CAPN2: variants seen among roughly 807,000 people sequenced by gnomAD.
CAPN2 encodes calpain-2 catalytic subunit.
Under a neutral mutation model 102.3 loss-of-function variants are expected in CAPN2, and 92 were observed. The observed-to-expected ratio is 0.90, with a 90% confidence interval of 0.76 to 1.07. The LOEUF (loss-of-function observed/expected upper bound fraction) is 1.07, where lower values mean the gene tolerates loss of function less well. CAPN2 is among the 50% of genes least tolerant of loss of function. CAPN2 has a pLI of 0.00. For synonymous variants in CAPN2, 340 were observed against 355.4 expected (o/e 0.96, Z 0.49); for missense variants, 800 against 909.4 (o/e 0.88, Z 1.55).
intron 2 of CAPN2, among the ~76,000 whole-genome samples, chr1:223,733,706 A>G (rs1288031759): frequency 6.6e-6 from 1 of 152,150 alleles, no homozygotes; most frequent in Non-Finnish European, 1.5e-5. Flanking sequence ...CAAAAACACA[A>G]ATCAAACCTC....
In CAPN2 at chr1:223,725,606, C is replaced by T. The variant is rs1660171055; in HGVS notation, c.307+7775C>T. Among the ~76,000 whole-genome samples the T allele has an allele frequency of 6.6e-6, 1 of 152,146 alleles. No homozygotes were observed. Among genetic ancestry groups the T allele is most frequent in the African/African-American group, 2.4e-5 (1 of 41,424 alleles). On this transcript the variant is annotated intron_variant, in intron 2 of 20. Coordinates refer to ENST00000295006, the MANE Select transcript of CAPN2 (RefSeq NM_001748.5). The surrounding 1 kb of genome is among the most constrained non-coding windows in gnomAD (Gnocchi z 4.1). ...GCACATCTTGAATACCCGACTGGGT[C>T]CCAGCTTTAGCACTTGACATTGGCG...
intron 3 of CAPN2, among the ~76,000 whole-genome samples, chr1:223,745,041 CAAA>C (rs35193281): frequency 0.26 from 28,349 of 109,364 alleles, 3,982 homozygotes; most frequent in African/African-American, 0.43. Context: ...GACTTGGTCT[CAAA>C]AAAAAAAAAA....
chr1:223,737,594 A>G (rs980586192), intron 2 of CAPN2, among the ~76,000 whole-genome samples: 1 of 151,712 alleles, frequency 6.6e-6, no homozygotes, highest in African/African-American at 2.4e-5. Context: ...TGAGAAAGGC[A>G]GATGAGAGAT....
chr1:223,711,202 G>T (rs1659719298), upstream of CAPN2, among the ~76,000 whole-genome samples: 1 of 152,158 alleles, frequency 6.6e-6, no homozygotes, highest in Non-Finnish European at 1.5e-5. Context: ...GGACAAAACT[G>T]CCCCCAGTTG....
At chr1:223,757,623 C>A in intron 11 of CAPN2, 1 of 563,126 alleles carries the variant, frequency 1.8e-6, no homozygotes, top group South Asian at 2.4e-5. Context: ...TGGCAGAGCC[C>A]ATACAGGGTT....
At chr1:223,729,486 C>G (rs1284026857) in intron 2 of CAPN2, among the ~76,000 whole-genome samples, 2 of 152,108 alleles carry the variant, frequency 1.3e-5, no homozygotes, top group African/African-American at 4.8e-5. Flanking sequence ...TGTGACAAAG[C>G]CCAAGGAGGT....
chr1:223,772,410 TTGTTTTCCAACCACC>T (rs2102818314), intron 20 of CAPN2, 171 bp downstream of exon 20: 1 of 572,980 alleles, frequency 1.7e-6, no homozygotes, highest in East Asian at 2.8e-5. Context: ...TTACTTGCAG[TTGTTTTCCAACCACC>T]TATTCTCAAG....
intron 12 of CAPN2, among the ~76,000 whole-genome samples, chr1:223,760,970 G>C (rs1661169459): frequency 1.3e-5 from 2 of 152,204 alleles, no homozygotes; most frequent in Non-Finnish European, 1.5e-5. Context: ...TGGAGCAGAA[G>C]GACCTGGCCC....
rs887492781 is a variant in CAPN2, at chr1:223,725,495, A to G, written c.307+7664A>G. On this transcript the variant is annotated intron_variant, in intron 2 of 20. Coordinates refer to ENST00000295006, the MANE Select transcript of CAPN2 (RefSeq NM_001748.5). The surrounding 1 kb of genome is among the most constrained non-coding windows in gnomAD (Gnocchi z 4.1). ...TACATAGTAAAGGTTTAATCCATGC[A>G]GATTGCACGTTCTCTTTGGGGACAG... 1.3e-5 allele frequency among the ~76,000 whole-genome samples: 2 copies of G among 152,220 alleles called. No homozygotes were observed. Among genetic ancestry groups the G allele is most frequent in the African/African-American group, 4.8e-5 (2 of 41,460 alleles).
rs930179947 is a variant in CAPN2, at chr1:223,726,005, G to A, written c.307+8174G>A. Among the ~76,000 whole-genome samples the A allele has an allele frequency of 1.7e-4, 26 of 152,186 alleles. No homozygotes were observed. Among genetic ancestry groups the A allele is most frequent in the African/African-American group, 5.5e-4 (23 of 41,506 alleles). ...GCCTCGTGGGTTTCCTCCGTCTCTC[G>A]GGAGACCAGGATCCGAGTGAGAAAG... On this transcript the variant is annotated intron_variant, in intron 2 of 20. Coordinates refer to ENST00000295006, the MANE Select transcript of CAPN2 (RefSeq NM_001748.5). This position sits in a 1 kb window ranked among gnomAD's most constrained non-coding sequence, Gnocchi z 4.4.
In CAPN2 at chr1:223,717,745, G is replaced by C; in HGVS notation, c.238-17G>C. ...CTGGCTGGTAGGCTAACAGCACTTT[G>C]TGGGTCTCGTTCCCAGGAGATCTGC... On this transcript the variant is annotated splice_polypyrimidine_tract_variant and intron_variant, in intron 1 of 20. Coordinates refer to ENST00000295006, the MANE Select transcript of CAPN2 (RefSeq NM_001748.5). 1.2e-6 allele frequency: 2 copies of C among 1,612,220 alleles called. No homozygotes were observed.
Position 223,759,486 on chromosome 1 carries a change from G to A in CAPN2, c.1529+5G>A, listed in dbSNP as rs1326471682. On this transcript the variant is annotated splice_donor_5th_base_variant and intron_variant, in intron 12 of 20. Transcript: ENST00000295006. This position sits in a 1 kb window ranked among gnomAD's most constrained non-coding sequence, Gnocchi z 4.6. Reference sequence around the variant, plus strand: ...TGAAAAGAAAGCTGACTACCAGTAGGCGGTTTGGTCCCTTCCTCTCCCCAC... The same window carrying A: ...TGAAAAGAAAGCTGACTACCAGTAGACGGTTTGGTCCCTTCCTCTCCCCAC... 4 of 1,613,326 alleles carry A rather than the reference G, an allele frequency of 2.5e-6. No individual in the cohort carries two copies. The highest frequency in any genetic ancestry group is 3.4e-6 in the Non-Finnish European group (4 of 1,179,732).
At chr1:223,711,086 G>A (rs188021924), upstream of CAPN2, among the ~76,000 whole-genome samples, 10 of 152,230 alleles carry the variant, frequency 6.6e-5, no homozygotes, top group Non-Finnish European at 1.2e-4. Context: ...GATGTTCAGC[G>A]GCATCCCTGG....
chr1:223,761,190 C>T (rs1377636394), intron 12 of CAPN2, among the ~76,000 whole-genome samples: 2 of 152,226 alleles, frequency 1.3e-5, no homozygotes, highest in Admixed American at 6.5e-5. Context: ...AAGGCTAGGA[C>T]GAACACCACG....
chr1:223,715,506 G>A (rs563980684), intron 1 of CAPN2, among the ~76,000 whole-genome samples: 1 of 152,106 alleles, frequency 6.6e-6, no homozygotes, highest in Admixed American at 6.5e-5. Flanking sequence ...GCAGGGGAGG[G>A]GAGCAGGTTA....
chr1:223,714,012 G>T (rs1659808136), intron 1 of CAPN2, among the ~76,000 whole-genome samples: 1 of 152,146 alleles, frequency 6.6e-6, no homozygotes, highest in Non-Finnish European at 1.5e-5. Context: ...GTTCTTTCCT[G>T]CATGAGGCCT....
At chr1:223,748,972 G>T in intron 5 of CAPN2, 67 bp from the exon 6 acceptor site, 1 of 1,435,342 alleles carries the variant, frequency 7.0e-7, no homozygotes, top group East Asian at 2.3e-5. Context: ...GTAGGACAGA[G>T]GGAGCGAGGG....
chr1:223,733,915 C>T (rs759506085), intron 2 of CAPN2, among the ~76,000 whole-genome samples: 2 of 152,206 alleles, frequency 1.3e-5, no homozygotes, highest in African/African-American at 2.4e-5. Flanking sequence ...ACGTGGTAAA[C>T]GTTCCCTGAG....
At chr1:223,768,951 A>T (rs2102816095) in intron 16 of CAPN2, among the ~76,000 whole-genome samples, 1 of 152,224 alleles carries the variant, frequency 6.6e-6, no homozygotes, top group Non-Finnish European at 1.5e-5. Flanking sequence ...GATAAGGGCT[A>T]CTTTCATGAG....
Sources: gnomAD v4.1 joint callset for allele counts (sites outside exome capture counted in the v4.1 genomes callset) on GRCh38, gnomAD v4.1.1 for gene constraint, Gnocchi (gnomAD v3.1) non-coding constraint, MANE v1.5 for transcripts, NCBI Gene and HGNC (gene_info 2026-07-23, HGNC 2026-07-21) for gene names.